The following EXD2 variants were observed in gnomAD, a reference collection of about 807,000 sequenced individuals.
The protein encoded by EXD2 is exonuclease 3'-5' domain-containing protein 2.
In EXD2, 40 loss-of-function variants were observed where a neutral mutation model predicts 62.5. The observed-to-expected ratio is 0.64, with a 90% CI of 0.50 to 0.83. The LOEUF (loss-of-function observed/expected upper bound fraction) is 0.83, where lower values mean the gene tolerates loss of function less well. EXD2 is among the 40% of genes least tolerant of loss of function. EXD2 has a pLI of 0.00. For missense variants in EXD2, 671 were observed against 761.8 expected (o/e 0.88, Z 1.40); for synonymous variants, 239 against 291.9 (o/e 0.82, Z 1.85).
rs2042743767 is a variant in EXD2, at chr14:69,209,800, G to A, written c.330G>A (p.Glu110=). ...TTCCAGTACTTGGAATTGACTGTGA[G>A]TGGGTAAGTTAAAAAGCAAAAGTTA... ...EDFPVLGIDC[E]WVNLEGKASP... Residue 110 remains glutamate, a synonymous_variant, in exon 3 of 10, where the codon GAG becomes GAA. Transcript: ENST00000685843. 1 of 1,420,270 alleles carries A rather than the reference G, an allele frequency of 7.0e-7. No homozygotes were observed. The highest frequency in any genetic ancestry group is 3.0e-5 in the Admixed American group (1 of 32,906). The allele number at this position is 1,420,270 out of a possible 1,614,324, so 88.0% of individuals were successfully genotyped here.
At chr14:69,199,858 G>A (rs1018797531) in intron 1 of EXD2, among the ~76,000 whole-genome samples, 3 of 152,156 alleles carry the variant, frequency 2.0e-5, no homozygotes, top group Admixed American at 6.5e-5. Flanking sequence ...AGTAGAAGGA[G>A]TACACCGTAA....
In EXD2 at chr14:69,241,021, C is replaced by T. The variant is rs1256777908; in HGVS notation, c.1787C>T (p.Pro596Leu). 6 of 1,613,070 alleles carry T rather than the reference C, an allele frequency of 3.7e-6. No homozygotes were observed. The highest frequency in any genetic ancestry group is 5.1e-6 in the Non-Finnish European group (6 of 1,180,044). ...FLDSMQPKHL[P>L]QQWSVDHNHQ... is the part of the protein sequence containing the mutation. The stretch of plus-strand genomic sequence containing the variant: ...GACTCCATGCAGCCCAAGCACCTGC[C>T]CCAGCAGTGGTCAGTGGACCACAAC... The change falls in exon 10 of 10, where the codon CCC becomes CTC. Residue 596 changes from proline to leucine, a missense_variant. Pro to Leu is a moderately conservative substitution (Grantham distance 98). Transcript: ENST00000685843.
At chr14:69,216,867 TG>T (rs1472899314) in intron 3 of EXD2, among the ~76,000 whole-genome samples, 1 of 152,218 alleles carries the variant, frequency 6.6e-6, no homozygotes, top group Non-Finnish European at 1.5e-5. Context: ...ACACTATCTT[TG>T]CATTTTAGTA....
chr14:69,211,699 A>C (rs529438638), intron 3 of EXD2, among the ~76,000 whole-genome samples: 25 of 152,238 alleles, frequency 1.6e-4, no homozygotes, highest in Non-Finnish European at 1.9e-4. Flanking sequence ...AACTATTTAC[A>C]TCAGCAACAA....
rs372787434 is a variant in EXD2, at chr14:69,237,818, G to A, written c.1536G>A (p.Ala512=). The part of the protein sequence containing the change: ...VRSGARALLN[A]ESLPTQRKEE... ...CTGGGGCCAGGGCCCTGCTCAACGC[G>A]GAGAGCCTGCCTACTCAGCGAAAGG... The change falls in exon 9 of 10, where the codon GCG becomes GCA. Residue 512 remains alanine (A), a synonymous_variant. Transcript: ENST00000685843. 35 of 1,613,518 alleles carry A rather than the reference G, an allele frequency of 2.2e-5. No individual in the cohort carries two copies. Among genetic ancestry groups the A allele is most frequent in the East Asian group, 6.7e-5 (3 of 44,872 alleles).
chr14:69,234,655 TG>T, intron 5 of EXD2, 44 bp from the exon 6 acceptor site: 1 of 1,506,164 alleles, frequency 6.6e-7, no homozygotes. Context: ...TTTTTCTCTC[TG>T]GTTTGCCTTC....
chr14:69,236,309 G>A lies in EXD2; in HGVS notation c.1157-98G>A. The A allele has an allele frequency of 3.1e-6, 5 of 1,592,272 alleles. No individual in the cohort carries two copies. The South Asian group carries it at 5.6e-5, about 18-fold the overall frequency. On this transcript the variant is annotated intron_variant, in intron 7 of 9. Coordinates refer to ENST00000685843, the MANE Select transcript of EXD2 (RefSeq NM_001193360.2). ...GCACAACCCAGAAATCATGTTCTCT[G>A]CCAGGCCATAGCAGAGAACAGTGAA... is the stretch of plus-strand genomic sequence containing the variant.
intron 3 of EXD2, among the ~76,000 whole-genome samples, chr14:69,220,256 T>C (rs1264947416): frequency 5.7e-4 from 16 of 28,100 alleles, no homozygotes; most frequent in African/African-American, 2.4e-3. Context: ...TCTCTCTGTT[T>C]TTTTTTTTTT....
chr14:69,226,119 G>A (rs935044832), intron 3 of EXD2, among the ~76,000 whole-genome samples: 2 of 152,190 alleles, frequency 1.3e-5, no homozygotes, highest in Non-Finnish European at 2.9e-5. Context: ...TGAGTTTTAT[G>A]TCAAATTAGC....
At chr14:69,235,987 C>T in intron 6 of EXD2, 59 bp from the exon 7 acceptor site, 2 of 1,278,238 alleles carry the variant, frequency 1.6e-6, no homozygotes, top group Non-Finnish European at 2.3e-6. Flanking sequence ...GGGAAGGCAA[C>T]AGACATTTTG....
At chr14:69,234,654 C>A in intron 5 of EXD2, 46 bp from the exon 6 acceptor site, 1 of 1,501,706 alleles carries the variant, frequency 6.7e-7, no homozygotes, top group Non-Finnish European at 9.0e-7. Flanking sequence ...GTTTTTCTCT[C>A]TGGTTTGCCT....
intron 1 of EXD2, among the ~76,000 whole-genome samples, chr14:69,195,227 AAAAAAGAG>A (rs2042163785): frequency 1.1e-5 from 1 of 92,726 alleles, no homozygotes; most frequent in Non-Finnish European, 2.1e-5. Flanking sequence ...AAAAAAAAAA[AAAAAAGAG>A]AGATGAGGTC....
intron 1 of EXD2, among the ~76,000 whole-genome samples, chr14:69,202,529 C>T (rs1005014483): frequency 2.6e-5 from 4 of 152,098 alleles, no homozygotes; most frequent in Non-Finnish European, 5.9e-5. Flanking sequence ...ATGAATTTTT[C>T]GAAGGCAGAT....
At chr14:69,221,740 C>T (rs1168797779) in intron 3 of EXD2, among the ~76,000 whole-genome samples, 1 of 151,550 alleles carries the variant, frequency 6.6e-6, no homozygotes, top group African/African-American at 2.4e-5. Flanking sequence ...TGCACTACAG[C>T]CTGGGCAGCA....
rs1566835475 is a variant in EXD2, at chr14:69,228,824, G to A, written c.342G>A (p.Leu114=). The part of the protein sequence containing the change: ...VLGIDCEWVN[L]EGKASPLSLL... ...GTCTTCCTCTGTTGCAGGTAAATTT[G>A]GAAGGCAAAGCCAGCCCTCTGTCAC... Residue 114 remains leucine, a synonymous_variant, in exon 4 of 10, where the codon TTG becomes TTA. Transcript: ENST00000685843. 6.2e-7 allele frequency: 1 copy of A among 1,612,268 alleles called. No homozygotes were observed. The highest frequency in any genetic ancestry group is 2.2e-5 in the East Asian group (1 of 44,830).
chr14:69,241,981 G>A lies in EXD2; in HGVS notation c.*881G>A. On this transcript the variant is annotated 3_prime_UTR_variant, in exon 10 of 10. Coordinates refer to ENST00000685843, the MANE Select transcript of EXD2 (RefSeq NM_001193360.2). Reference sequence around the variant, plus strand: ...CAGTATCAGTTCCCCTGTATTCTGTGCTTCATCGAATTTGCAAGACTGACC... The same window carrying A: ...CAGTATCAGTTCCCCTGTATTCTGTACTTCATCGAATTTGCAAGACTGACC... 2.5e-6 allele frequency: 1 copy of A among 398,554 alleles called. No homozygotes were observed. Among genetic ancestry groups the A allele is most frequent in the Non-Finnish European group, 4.4e-6 (1 of 226,064 alleles). 24.7% of individuals were successfully genotyped at this position (398,554 alleles called of 1,614,324 possible).
Position 69,231,134 on chromosome 14 carries a change from T to C in EXD2, c.717+536T>C, listed in dbSNP as rs576086244. Among the ~76,000 whole-genome samples, 211 of 152,000 alleles carry C rather than the reference T, an allele frequency of 1.4e-3. 5 individuals carry two copies. The South Asian group carries it at 0.028, about 20-fold the overall frequency. ...ATTTCAGAAAAAGGGATTTTTTTTA[T>C]GAATACAAATGTATAATTTAAAAAA... On this transcript the variant is annotated intron_variant, in intron 5 of 9. Coordinates refer to ENST00000685843, the MANE Select transcript of EXD2 (RefSeq NM_001193360.2).
chr14:69,228,709 CT>C, intron 3 of EXD2, 106 bp from the exon 4 acceptor site: 1 of 1,420,714 alleles, frequency 7.0e-7, no homozygotes, highest in Non-Finnish European at 9.5e-7. Context: ...CAGATGCTAC[CT>C]TTGGGAAGTT....
In EXD2 at chr14:69,234,715, A is replaced by C; in HGVS notation, c.733A>C (p.Arg245=). The C allele has an allele frequency of 6.2e-7, 1 of 1,611,446 alleles. No individual in the cohort carries two copies. The change falls in exon 6 of 10, where the codon AGG becomes CGG. Residue 245 remains arginine (R), a synonymous_variant. Transcript: ENST00000685843. ...TTCTCTTCAGGTAATTTATGCTGCC[A>C]GGGATGCCCAGATTTCAGTGGCTCT... ...LTEDQVIYAA[R]DAQISVALFL... is the part of the protein sequence containing the mutation.
Sources: allele counts gnomAD v4.1 joint callset (sites outside exome capture counted in the v4.1 genomes callset), GRCh38; gene constraint gnomAD v4.1.1; transcripts MANE v1.5; gene names NCBI Gene and HGNC (gene_info 2026-07-23, HGNC 2026-07-21).